The following APPBP2 variants were observed in gnomAD, a reference collection of about 807,000 sequenced individuals.
APPBP2 encodes the protein amyloid beta precursor protein binding protein 2.
In APPBP2, 15 loss-of-function variants were observed where a neutral mutation model predicts 76.0. The ratio of observed to expected loss-of-function variants is 0.20; its 90% CI spans 0.13 to 0.30. The LOEUF is 0.30. APPBP2 is among the 10% of genes least tolerant of loss of function. APPBP2 has a pLI of 1.00. For missense variants in APPBP2, 401 were observed against 687.2 expected, an observed-to-expected ratio of 0.58 and a Z score of 4.66; for synonymous variants, 222 against 242.2, an observed-to-expected ratio of 0.92 and a Z score of 0.77.
At chr17:60,517,479 A>T (rs2090972193) in intron 1 of APPBP2, among the ~76,000 whole-genome samples, 1 of 152,230 alleles carries the variant, frequency 6.6e-6, no homozygotes, top group South Asian at 2.1e-4. Flanking sequence ...GATCCAAATT[A>T]ATCTTTGCTG....
chr17:60,486,429 T>C (rs530321271), intron 3 of APPBP2, among the ~76,000 whole-genome samples: 3 of 152,334 alleles, frequency 2.0e-5, no homozygotes, highest in South Asian at 2.1e-4. Flanking sequence ...TCTTGTCGAA[T>C]TGATCCCTTT....
intron 8 of APPBP2, chr17:60,461,514 A>G (rs905623057): frequency 1.1e-5 from 3 of 266,762 alleles, no homozygotes; most frequent in Non-Finnish European, 2.1e-5. Context: ...TTTTAGTGAC[A>G]TTTGCTAAAT....
intron 1 of APPBP2, among the ~76,000 whole-genome samples, chr17:60,502,987 A>G: frequency 6.9e-6 from 1 of 144,288 alleles, no homozygotes; most frequent in East Asian, 1.9e-4. Context: ...GAGAGTCTAT[A>G]TTTGATATTT....
chr17:60,489,650 A>G (rs371088604), intron 3 of APPBP2, among the ~76,000 whole-genome samples: 18 of 151,800 alleles, frequency 1.2e-4, no homozygotes, highest in East Asian at 1.9e-4. Context: ...ATGACTGTTA[A>G]AAGTTGTTGG....
chr17:60,457,984 A>ATAT (rs1043542482), intron 9 of APPBP2, among the ~76,000 whole-genome samples: 15 of 137,218 alleles, frequency 1.1e-4, no homozygotes, highest in African/African-American at 4.5e-4. Flanking sequence ...AGCCTAGATA[A>ATAT]CATCAATTTA....
intron 1 of APPBP2, among the ~76,000 whole-genome samples, chr17:60,507,768 C>T (rs1390896933): frequency 6.6e-6 from 1 of 152,144 alleles, no homozygotes; most frequent in East Asian, 1.9e-4. Context: ...ACTACTGCCT[C>T]TCCAATCAGA....
At chr17:60,493,753 C>A (rs2090750908) in intron 3 of APPBP2, among the ~76,000 whole-genome samples, 1 of 151,616 alleles carries the variant, frequency 6.6e-6, no homozygotes, top group Non-Finnish European at 1.5e-5. Context: ...AATTCTCATG[C>A]CTCATCCTCC....
At chr17:60,481,580 T>C (rs1010431680) in intron 3 of APPBP2, among the ~76,000 whole-genome samples, 1 of 152,224 alleles carries the variant, frequency 6.6e-6, no homozygotes, top group Admixed American at 6.5e-5. Flanking sequence ...TGACAATCCC[T>C]AAAAATTTAG....
intron 1 of APPBP2, among the ~76,000 whole-genome samples, chr17:60,510,885 T>C (rs1264284024): frequency 6.6e-6 from 1 of 152,230 alleles, no homozygotes; most frequent in East Asian, 1.9e-4. Flanking sequence ...TACTAAAACT[T>C]AAATATGCTG....
chr17:60,479,061 A>C (rs1260547844), intron 4 of APPBP2, 87 bp downstream of exon 4: 2 of 1,288,334 alleles, frequency 1.6e-6, no homozygotes, highest in African/African-American at 3.0e-5. Flanking sequence ...ATTTACTCAA[A>C]TGTTGGCATA....
chr17:60,471,858 G>A (rs2143354368), intron 4 of APPBP2, among the ~76,000 whole-genome samples: 1 of 152,312 alleles, frequency 6.6e-6, no homozygotes, highest in Non-Finnish European at 1.5e-5. Context: ...GGGCGCAGTG[G>A]CTCATGCCTG....
chr17:60,460,611 A>G, intron 9 of APPBP2, 52 bp downstream of exon 9: 1 of 1,567,062 alleles, frequency 6.4e-7, no homozygotes, highest in Non-Finnish European at 8.7e-7. Context: ...AAAAAACAAA[A>G]TAAAACAAAA....
At chr17:60,520,206 A>G (rs2090997278) in intron 1 of APPBP2, among the ~76,000 whole-genome samples, 1 of 152,178 alleles carries the variant, frequency 6.6e-6, no homozygotes, top group African/African-American at 2.4e-5. Context: ...GAACCTAATT[A>G]GTATGGTTTT....
intron 4 of APPBP2, among the ~76,000 whole-genome samples, chr17:60,473,850 T>C (rs188826352): frequency 7.7e-4 from 117 of 152,350 alleles, no homozygotes; most frequent in African/African-American, 2.7e-3. Flanking sequence ...TTTTATTTTA[T>C]CTTTTAAATA....
At chr17:60,490,612 A>T (rs2090720228) in intron 3 of APPBP2, among the ~76,000 whole-genome samples, 1 of 152,242 alleles carries the variant, frequency 6.6e-6, no homozygotes, top group African/African-American at 2.4e-5. Flanking sequence ...AGTTACAGTG[A>T]GCTATGATTG....
intron 3 of APPBP2, among the ~76,000 whole-genome samples, chr17:60,486,732 C>T (rs1382259788): frequency 6.6e-6 from 1 of 152,142 alleles, no homozygotes; most frequent in Non-Finnish European, 1.5e-5. Flanking sequence ...TTGATCCTGT[C>T]ACTATGATGT....
chr17:60,471,887 A>G (rs930756370), intron 4 of APPBP2, among the ~76,000 whole-genome samples: 5 of 152,136 alleles, frequency 3.3e-5, no homozygotes, highest in African/African-American at 1.2e-4. Context: ...GAACTTTGGG[A>G]GGCCAAGGTG....
In APPBP2 at chr17:60,518,370, T is replaced by C. The variant is rs866707489; in HGVS notation, c.138+7424A>G. Among the ~76,000 whole-genome samples, 1,178 of 143,836 alleles carry C rather than the reference T, an allele frequency of 8.2e-3. 51 individuals carry two copies. Among genetic ancestry groups the C allele is most frequent in the African/African-American group, 0.03 (1,093 of 36,532 alleles). The allele number at this position is 143,836 out of a possible 152,430, so 94.4% of individuals were successfully genotyped here. A position where few individuals can be genotyped will look rare whatever the true frequency, so the allele number is the denominator to read the frequency against. On this transcript the variant is annotated intron_variant, in intron 1 of 12. Coordinates refer to ENST00000083182, the MANE Select transcript of APPBP2 (RefSeq NM_006380.5). The stretch of plus-strand genomic sequence containing the variant: ...CCGTGTGTGCGTGCGTGTGTGTGTG[T>C]GTGTGTGTGTGTGTGTGTGTGTGTG...
chr17:60,471,081 G>C (rs115528150), intron 4 of APPBP2, among the ~76,000 whole-genome samples: 2,381 of 152,150 alleles, frequency 0.016, 66 homozygotes, highest in African/African-American at 0.053. Context: ...ACAGGTGTGA[G>C]CCACAGGGCC....
Sources: gnomAD v4.1 joint callset for allele counts (sites outside exome capture counted in the v4.1 genomes callset) on GRCh38, gnomAD v4.1.1 for gene constraint, MANE v1.5 for transcripts, NCBI Gene and HGNC (gene_info 2026-07-23, HGNC 2026-07-21) for gene names.